Variants in IL1RAPL1 observed in about 807,000 individuals in gnomAD.
IL1RAPL1 encodes the protein interleukin 1 receptor accessory protein like 1, also known as interleukin-1 receptor accessory protein-like 1.
IL1RAPL1 carries 3 observed loss-of-function variants against 48.4 expected under a neutral mutation model. That is an observed-to-expected ratio of 0.06 (90% CI 0.03 to 0.16). IL1RAPL1 has a LOEUF of 0.16. Ranked by LOEUF, IL1RAPL1 falls within the 10% of genes least tolerant of loss-of-function variation. The pLI is 1.00. For missense variants in IL1RAPL1, 349 were observed against 530.6 expected (o/e 0.66, Z 3.36); for synonymous variants, 185 against 187.7 (o/e 0.99, Z 0.12).
intron 6 of IL1RAPL1, among the ~76,000 whole-genome samples, chrX:29,727,596 C>A (rs1927808190): frequency 9.0e-6 from 1 of 111,707 alleles, no homozygotes. Context: ...TCAGATGAAT[C>A]TTGACTTACA....
chrX:28,589,146 A>G (rs1449348729), intron 1 of IL1RAPL1, among the ~76,000 whole-genome samples: 2 of 111,808 alleles, frequency 1.8e-5, no homozygotes, highest in Admixed American at 1.9e-4. Flanking sequence ...AGAGTGGAGC[A>G]TTTACATATG....
chrX:29,039,493 C>G (rs1926797135), intron 2 of IL1RAPL1, among the ~76,000 whole-genome samples: 1 of 111,055 alleles, frequency 9.0e-6, no homozygotes, highest in South Asian at 3.7e-4. Context: ...AGTTTTAGCC[C>G]TTTGGTGTGC....
intron 5 of IL1RAPL1, among the ~76,000 whole-genome samples, chrX:29,548,762 T>G (rs1921711974): frequency 8.9e-6 from 1 of 111,811 alleles, no homozygotes; most frequent in Non-Finnish European, 1.9e-5. Flanking sequence ...AAAATTATTT[T>G]GGATAAATTG....
chrX:29,599,838 TTC>T (rs1454097299), intron 5 of IL1RAPL1, among the ~76,000 whole-genome samples: 1 of 112,220 alleles, frequency 8.9e-6, no homozygotes, highest in Non-Finnish European at 1.9e-5. Flanking sequence ...CATTTTGCAT[TTC>T]TCTGTGTGCC....
At chrX:28,835,714 A>G (rs1208737734) in intron 2 of IL1RAPL1, among the ~76,000 whole-genome samples, 1 of 111,380 alleles carries the variant, frequency 9.0e-6, no homozygotes, top group African/African-American at 3.3e-5. Flanking sequence ...TAAAAGGAAT[A>G]AAGTATCAAG....
chrX:28,956,607 G>A (rs1331630748), intron 2 of IL1RAPL1, among the ~76,000 whole-genome samples: 1 of 100,944 alleles, frequency 9.9e-6, no homozygotes, highest in Non-Finnish European at 2.0e-5. Context: ...TCCCAGGGAT[G>A]AAGCCCACTT....
At chrX:29,182,301 C>G (rs1048495200) in intron 2 of IL1RAPL1, among the ~76,000 whole-genome samples, 1 of 112,071 alleles carries the variant, frequency 8.9e-6, no homozygotes, top group Non-Finnish European at 1.9e-5. Context: ...CTTTTCCATT[C>G]TGTAGCATCC....
intron 2 of IL1RAPL1, among the ~76,000 whole-genome samples, chrX:29,099,244 G>A (rs895077947): frequency 1.9e-4 from 21 of 111,692 alleles, no homozygotes; most frequent in Non-Finnish European, 1.1e-4. Flanking sequence ...TCTTGCAAAC[G>A]TTACGATTTA....
chrX:28,879,478 G>A (rs1047282533), intron 2 of IL1RAPL1, among the ~76,000 whole-genome samples: 2 of 109,682 alleles, frequency 1.8e-5, no homozygotes, highest in African/African-American at 3.3e-5. Flanking sequence ...AAGAAAGGAA[G>A]GTAAATAAAG....
intron 9 of IL1RAPL1, among the ~76,000 whole-genome samples, chrX:29,947,224 A>G (rs1241722350): frequency 1.8e-5 from 2 of 111,279 alleles, no homozygotes; most frequent in African/African-American, 6.5e-5. Flanking sequence ...ACAGTGTTAG[A>G]CTCCTTTGCT....
Position 29,555,830 on chromosome X carries a change from G to A in IL1RAPL1, c.704-112600G>A, listed in dbSNP as rs1345417133. Among the ~76,000 whole-genome samples, 3 of 111,844 alleles carry A rather than the reference G, an allele frequency of 2.7e-5. No homozygotes were observed. The East Asian group carries it at 8.4e-4, about 31-fold the overall frequency. The stretch of plus-strand genomic sequence containing the variant: ...AGCTTCCCTTAAAGAAAAGTTTTTA[G>A]GAAAGGAAAAGAACACTGGGGAGGG... On this transcript the variant is annotated intron_variant, in intron 5 of 10. Transcript: ENST00000378993.
intron 6 of IL1RAPL1, among the ~76,000 whole-genome samples, chrX:29,867,681 C>T (rs1315290503): frequency 8.9e-6 from 1 of 112,454 alleles, no homozygotes; most frequent in Non-Finnish European, 1.9e-5. Context: ...CATTTGCACA[C>T]CCAAAACTTC....
At chrX:29,198,250 G>C (rs1362624300) in intron 2 of IL1RAPL1, among the ~76,000 whole-genome samples, 2 of 110,665 alleles carry the variant, frequency 1.8e-5, no homozygotes, top group Non-Finnish European at 3.8e-5. Flanking sequence ...GAACAAGGAA[G>C]ATGCCGCTAG....
intron 2 of IL1RAPL1, among the ~76,000 whole-genome samples, chrX:28,853,468 C>A (rs1342552301): frequency 1.1e-5 from 1 of 88,741 alleles, no homozygotes; most frequent in African/African-American, 4.7e-5. Flanking sequence ...CCATTGCAAT[C>A]CCCTCAGTGC....
chrX:29,592,001 A>C (rs1178588988), intron 5 of IL1RAPL1, among the ~76,000 whole-genome samples: 2 of 111,548 alleles, frequency 1.8e-5, no homozygotes, highest in Non-Finnish European at 3.8e-5. Context: ...GTGTGGCCCT[A>C]GAGGATCTGA....
intron 2 of IL1RAPL1, among the ~76,000 whole-genome samples, chrX:28,904,204 A>C (rs907129456): frequency 4.5e-5 from 5 of 111,618 alleles, no homozygotes; most frequent in Admixed American, 3.8e-4. Flanking sequence ...TTTAATCATA[A>C]ATAAATAATT....
intron 5 of IL1RAPL1, among the ~76,000 whole-genome samples, chrX:29,436,695 C>A (rs749920325): frequency 9.1e-6 from 1 of 109,636 alleles, no homozygotes; most frequent in East Asian, 2.8e-4. Flanking sequence ...GTGATGAAGA[C>A]TTAAGCTATT....
intron 5 of IL1RAPL1, among the ~76,000 whole-genome samples, chrX:29,530,444 G>A (rs1246914937): frequency 8.9e-6 from 1 of 111,771 alleles, no homozygotes; most frequent in Non-Finnish European, 1.9e-5. Flanking sequence ...CTTAATCCTG[G>A]TGGGGAAATC....
intron 5 of IL1RAPL1, among the ~76,000 whole-genome samples, chrX:29,531,886 G>A (rs61151221): frequency 0.023 from 2,579 of 111,916 alleles, 70 homozygotes; most frequent in African/African-American, 0.08. Context: ...TTTGTTAAAA[G>A]GACTCCAGTC....
Sources: gnomAD v4.1 joint callset for allele counts (sites outside exome capture counted in the v4.1 genomes callset) on GRCh38, gnomAD v4.1.1 for gene constraint, MANE v1.5 for transcripts, NCBI Gene and HGNC (gene_info 2026-07-23, HGNC 2026-07-21) for gene names.